The following MAGI2 variants were observed in gnomAD, a reference collection of about 807,000 sequenced individuals.
The protein encoded by MAGI2 is membrane associated guanylate kinase, WW and PDZ domain containing 2, also known as membrane-associated guanylate kinase, WW and PDZ domain-containing protein 2.
MAGI2 carries 35 observed loss-of-function variants against 133.3 expected under a neutral mutation model. The observed-to-expected ratio is 0.26, with a 90% CI of 0.20 to 0.35. The LOEUF (loss-of-function observed/expected upper bound fraction) is 0.35. MAGI2 is among the 10% of genes least tolerant of loss of function. The pLI is 1.00. For missense variants in MAGI2, 1,636 were observed against 1,863.4 expected, an observed-to-expected ratio of 0.88 and a Z score of 2.25; for synonymous variants, 729 against 710.6, an observed-to-expected ratio of 1.03 and a Z score of -0.41.
intron 20 of MAGI2, among the ~76,000 whole-genome samples, chr7:78,083,162 G>T (rs1816168283): frequency 6.6e-6 from 1 of 151,678 alleles, no homozygotes; most frequent in Admixed American, 6.6e-5. Flanking sequence ...TAGAAAATTC[G>T]CAGCCCTTTT....
chr7:78,148,035 A>G (rs144773185), intron 16 of MAGI2, among the ~76,000 whole-genome samples: 2 of 152,274 alleles, frequency 1.3e-5, no homozygotes, highest in East Asian at 3.9e-4. Flanking sequence ...CTACACCTAG[A>G]TATTTACCAA....
chr7:79,015,589 T>A (rs1012454891), intron 1 of MAGI2, among the ~76,000 whole-genome samples: 4 of 152,190 alleles, frequency 2.6e-5, no homozygotes, highest in Non-Finnish European at 5.9e-5. Context: ...GATGGATCAG[T>A]ACTAATGAAG....
intron 1 of MAGI2, among the ~76,000 whole-genome samples, chr7:79,271,199 C>A (rs1834846946): frequency 6.6e-6 from 1 of 152,114 alleles, no homozygotes; most frequent in Admixed American, 6.6e-5. Flanking sequence ...AACTCCGGGA[C>A]AGCACATATT....
intron 2 of MAGI2, among the ~76,000 whole-genome samples, chr7:78,929,179 C>T (rs1005236350): frequency 1.3e-5 from 2 of 151,980 alleles, no homozygotes; most frequent in Non-Finnish European, 2.9e-5. Flanking sequence ...AAAAGAATAA[C>T]ATTTTAGATG....
chr7:78,524,589 G>A (rs555914458), intron 3 of MAGI2, among the ~76,000 whole-genome samples: 4 of 152,072 alleles, frequency 2.6e-5, no homozygotes, highest in African/African-American at 7.2e-5. Flanking sequence ...TTTTACAGTC[G>A]GCAAAGTGGA....
chr7:78,296,336 AAGCATATCCTT>A (rs1366667650), intron 9 of MAGI2, among the ~76,000 whole-genome samples: 1 of 152,104 alleles, frequency 6.6e-6, no homozygotes, highest in Non-Finnish European at 1.5e-5. Flanking sequence ...AGGCCAAGCA[AAGCATATCCTT>A]AGGCCTCTGG....
intron 3 of MAGI2, among the ~76,000 whole-genome samples, chr7:78,591,010 A>T (rs1335723434): frequency 6.6e-6 from 1 of 152,170 alleles, no homozygotes; most frequent in Non-Finnish European, 1.5e-5. Context: ...TCCTCTCTAT[A>T]TTTATTAATT....
intron 6 of MAGI2, among the ~76,000 whole-genome samples, chr7:78,397,062 G>T (rs1796411045): frequency 6.6e-6 from 1 of 152,026 alleles, no homozygotes; most frequent in Admixed American, 6.6e-5. Context: ...GGTAGAAAGG[G>T]ATGGAAATGG....
At position 78,551,876 on chromosome 7, in the gene MAGI2, T is replaced by C. The variant is rs536008585; in HGVS notation, c.539-30231A>G. Among the ~76,000 whole-genome samples the C allele has an allele frequency of 2.5e-4, 38 of 152,184 alleles. No homozygotes were observed. In the South Asian group the frequency reaches 6.4e-3, roughly 26 times the overall value. ...CCTCCCATCTCAGCCTCCTGAGTAG[T>C]TGGAACTACAGGAATGCGCCACCAC... On this transcript the variant is annotated intron_variant, in intron 3 of 21. Transcript: ENST00000354212.
intron 1 of MAGI2, among the ~76,000 whole-genome samples, chr7:79,419,492 G>C (rs1846783537): frequency 6.6e-6 from 1 of 151,956 alleles, no homozygotes; most frequent in African/African-American, 2.4e-5. Context: ...CTTAAGTAGG[G>C]ACAAAATGTG....
chr7:78,130,383 C>T (rs950494958), intron 18 of MAGI2, among the ~76,000 whole-genome samples: 9 of 152,100 alleles, frequency 5.9e-5, no homozygotes, highest in Non-Finnish European at 1.2e-4. Flanking sequence ...AACATGGGAA[C>T]GGGCTGAATC....
At chr7:78,263,576 GA>G (rs143003251) in intron 9 of MAGI2, among the ~76,000 whole-genome samples, 4,436 of 152,122 alleles carry the variant, frequency 0.029, 217 homozygotes, top group African/African-American at 0.1. Context: ...TGACCTCTAG[GA>G]ATACATAAGA....
chr7:79,254,741 G>A lies in MAGI2; in HGVS notation c.301+198279C>T, dbSNP rs1833566304. Among the ~76,000 whole-genome samples, 2 of 152,166 alleles carry A rather than the reference G, an allele frequency of 1.3e-5. 1 individual carries two copies. The highest frequency in any genetic ancestry group is 4.1e-4 in the South Asian group (2 of 4,832). On this transcript the variant is annotated intron_variant, in intron 1 of 21. Transcript: ENST00000354212. ...CTATACCACTTTAATTATTACAGATGTGTTGAAATGTGTTTAATATGTAGT... is the reference window on the plus strand; with the variant it reads ...CTATACCACTTTAATTATTACAGATATGTTGAAATGTGTTTAATATGTAGT...
At chr7:78,598,885 G>C (rs1804892158) in intron 3 of MAGI2, among the ~76,000 whole-genome samples, 1 of 152,126 alleles carries the variant, frequency 6.6e-6, no homozygotes, top group Admixed American at 6.5e-5. Context: ...GAGAGGTTTG[G>C]AAGAAGATGA....
intron 2 of MAGI2, among the ~76,000 whole-genome samples, chr7:78,840,216 C>A (rs504216): frequency 0.54 from 81,273 of 151,774 alleles, 22,170 homozygotes; most frequent in East Asian, 0.71. Flanking sequence ...CAACATACAG[C>A]ATTCTGATAG....
chr7:78,120,219 GGTGAAACCCC>G (rs1563146122), intron 20 of MAGI2, among the ~76,000 whole-genome samples: 2 of 152,162 alleles, frequency 1.3e-5, no homozygotes, highest in African/African-American at 4.8e-5. Context: ...TGGCTAACAC[GGTGAAACCCC>G]GTCTCTACTA....
chr7:79,034,670 C>T (rs1487912263), intron 1 of MAGI2, among the ~76,000 whole-genome samples: 1 of 152,028 alleles, frequency 6.6e-6, no homozygotes, highest in Non-Finnish European at 1.5e-5. Context: ...ATCTTCACTC[C>T]CAGCTGCCTC....
chr7:78,650,165 T>C (rs558439855), intron 2 of MAGI2, among the ~76,000 whole-genome samples: 11 of 152,250 alleles, frequency 7.2e-5, no homozygotes, highest in South Asian at 2.1e-4. Flanking sequence ...TGGAATTTGG[T>C]CAACAACCGC....
intron 3 of MAGI2, among the ~76,000 whole-genome samples, chr7:78,528,043 A>C (rs1008161327): frequency 6.6e-6 from 1 of 152,192 alleles, no homozygotes; most frequent in Admixed American, 6.5e-5. Flanking sequence ...GTGGTTCAGC[A>C]GAAGAGAGAT....
Sources: gnomAD v4.1 joint callset for allele counts (sites outside exome capture counted in the v4.1 genomes callset) on GRCh38, gnomAD v4.1.1 for gene constraint, MANE v1.5 for transcripts, NCBI Gene and HGNC (gene_info 2026-07-23, HGNC 2026-07-21) for gene names.